UNC80: variants seen among roughly 807,000 people sequenced by gnomAD.
UNC80 encodes the protein protein unc-80 homolog.
A neutral mutation model predicts 384.6 loss-of-function variants in UNC80; 164 were observed. The observed-to-expected ratio is 0.43, with a 90% CI of 0.38 to 0.49. The LOEUF (loss-of-function observed/expected upper bound fraction) is 0.49, where lower values mean the gene tolerates loss of function less well. UNC80 is among the 20% of genes least tolerant of loss of function. The pLI, the probability that UNC80 is intolerant of heterozygous loss-of-function variation, is 0.00. For missense variants in UNC80, 3,330 were observed against 4,143.0 expected (o/e 0.80, Z 5.39); for synonymous variants, 1,486 against 1,527.8 (o/e 0.97, Z 0.64).
chr2:209,819,176 G>C lies in UNC80; in HGVS notation c.1877G>C (p.Cys626Ser), dbSNP rs1227503630. The C allele has an allele frequency of 3.9e-6, 6 of 1,552,104 alleles. No homozygotes were observed. Among genetic ancestry groups the C allele is most frequent in the Non-Finnish European group, 5.2e-6 (6 of 1,147,092 alleles). The part of the protein sequence containing the change: ...ANLPRSLTDS[C>S]INYSYLEDTE... ...CTACCTCGAAGCCTCACAGACTCCT[G>C]CATAAACTACAGCTACCTAGAGGAC... Residue 626 changes from cysteine to serine, a missense_variant, in exon 12 of 65, where the codon TGC (cysteine) becomes TCC (serine). Cys to Ser is a moderately radical substitution (Grantham distance 112, BLOSUM62 -1). Coordinates refer to ENST00000673920, the MANE Select transcript of UNC80 (RefSeq NM_001371986.1).
chr2:209,967,839 A>AG, intron 52 of UNC80: 3 of 509,258 alleles, frequency 5.9e-6, no homozygotes, highest in Non-Finnish European at 1.0e-5. Context: ...TTAAAAGTAT[A>AG]TGTGCTCATC....
chr2:209,940,496 C>G (rs1396350761), intron 43 of UNC80, among the ~76,000 whole-genome samples: 1 of 152,156 alleles, frequency 6.6e-6, no homozygotes, highest in African/African-American at 2.4e-5. Context: ...ATTAGCATCT[C>G]TATGTTTTAT....
At chr2:209,993,194 T>A in intron 62 of UNC80, 121 bp from the exon 63 acceptor site, 1 of 704,738 alleles carries the variant, frequency 1.4e-6, no homozygotes, top group East Asian at 2.9e-5. Flanking sequence ...CAGAAATAAA[T>A]TTATCAGCTA....
chr2:209,782,590 G>A (rs1286692458), intron 4 of UNC80, among the ~76,000 whole-genome samples: 7 of 151,784 alleles, frequency 4.6e-5, no homozygotes, highest in African/African-American at 1.7e-4. Context: ...ACCCGTGGTA[G>A]CTAACATAGT....
chr2:209,912,579 T>C lies in UNC80; in HGVS notation c.4802T>C (p.Leu1601Pro). ...TTTCAGTGCTCAGATAAGTCATGCC[T>C]GAGGACACCTTCTCTAAAGAAGAGA... ...KQKECSDKSC[L>P]RTPSLKKRVS... The change falls in exon 30 of 65, where the codon CTG (leucine) becomes CCG (proline). Residue 1601 changes from leucine to proline, a missense_variant. Coordinates refer to ENST00000673920, the MANE Select transcript of UNC80 (RefSeq NM_001371986.1). 8 of 1,551,384 alleles carry C rather than the reference T, an allele frequency of 5.2e-6. No individual in the cohort carries two copies. Among genetic ancestry groups the C allele is most frequent in the Non-Finnish European group, 6.1e-6 (7 of 1,146,704 alleles).
At position 209,904,908 on chromosome 2, in the gene UNC80, C is replaced by T; in HGVS notation, c.4725C>T (p.Ser1575=). 2.6e-6 allele frequency: 4 copies of T among 1,551,744 alleles called. No homozygotes were observed. Among genetic ancestry groups the T allele is most frequent in the Non-Finnish European group, 3.5e-6 (4 of 1,147,000 alleles). ...TACTCTATGGAGACAGTGTGGACTC[C>T]CTGAGGGAAAGCAGCAACATCAGCA... is the stretch of plus-strand genomic sequence containing the variant. ...IKLLYGDSVD[S]LRESSNISSV... The change falls in exon 29 of 65, where the codon TCC becomes TCT. Residue 1575 remains serine (S), a synonymous_variant. Transcript: ENST00000673920.
chr2:209,866,308 T>C (rs541282574), intron 22 of UNC80, among the ~76,000 whole-genome samples: 3 of 152,302 alleles, frequency 2.0e-5, no homozygotes, highest in African/African-American at 2.4e-5. Context: ...TTTTATCAGA[T>C]ATATTTTCCA....
Position 209,997,465 on chromosome 2 carries a change from G to A in UNC80, c.*1870G>A, listed in dbSNP as rs1426785965. ...TATTGGCGCGTCTCTATATATGTGT[G>A]TGCTTTGTTCCAGTTTCTTCAAATT... is the stretch of plus-strand genomic sequence containing the variant. On this transcript the variant is annotated 3_prime_UTR_variant, in exon 65 of 65. Coordinates refer to ENST00000673920, the MANE Select transcript of UNC80 (RefSeq NM_001371986.1). The A allele has an allele frequency of 6.6e-6, 1 of 152,142 alleles. No individual in the cohort carries two copies. Among genetic ancestry groups the A allele is most frequent in the Non-Finnish European group, 1.5e-5 (1 of 68,004 alleles). 9.4% of individuals were successfully genotyped at this position (152,142 alleles called of 1,614,324 possible).
At chr2:209,869,800 A>G (rs1432250260) in intron 22 of UNC80, among the ~76,000 whole-genome samples, 1 of 152,156 alleles carries the variant, frequency 6.6e-6, no homozygotes, top group Non-Finnish European at 1.5e-5. Context: ...ATTGATCTCA[A>G]TTGCATTTCC....
rs1357912310 is a variant in UNC80, at chr2:209,945,269, C to T, written c.7189+80C>T. 2.6e-5 allele frequency: 35 copies of T among 1,359,614 alleles called. No homozygotes were observed. In the South Asian group the frequency reaches 3.7e-4, roughly 15 times the overall value. 84.2% of individuals were successfully genotyped at this position (1,359,614 alleles called of 1,614,324 possible). A position where few individuals can be genotyped will look rare whatever the true frequency, so the allele number is the denominator to read the frequency against. ...AATATATGTATTATACACACATACACGTATATTTATATGTGTGTGTATATA... is the reference window on the plus strand; with the variant it reads ...AATATATGTATTATACACACATACATGTATATTTATATGTGTGTGTATATA... On this transcript the variant is annotated intron_variant, in intron 46 of 64. Transcript: ENST00000673920.
At position 209,976,817 on chromosome 2, in the gene UNC80, C is replaced by A; in HGVS notation, c.8773-96C>A. On this transcript the variant is annotated intron_variant, in intron 57 of 64. Transcript: ENST00000673920. The surrounding 1 kb of genome is among the most constrained non-coding windows in gnomAD (Gnocchi z 4.3). ...GTTCTAGGAACATCACATGCATTAC[C>A]TTATTTATTCCTCACAACAATGAAA... The A allele has an allele frequency of 1.5e-6, 2 of 1,336,660 alleles. No individual in the cohort carries two copies. Among genetic ancestry groups the A allele is most frequent in the South Asian group, 1.7e-5 (1 of 60,252 alleles). 82.8% of individuals were successfully genotyped at this position (1,336,660 alleles called of 1,614,324 possible).
Position 209,973,007 on chromosome 2 carries a change from C to G in UNC80, c.8381-57C>G, listed in dbSNP as rs868113562. 2.9e-5 allele frequency: 43 copies of G among 1,483,660 alleles called. 1 individual carries two copies. In the Middle Eastern group the frequency reaches 1.6e-3, roughly 56 times the overall value. 91.9% of individuals were successfully genotyped at this position (1,483,660 alleles called of 1,614,324 possible). On this transcript the variant is annotated intron_variant, in intron 55 of 64. Transcript: ENST00000673920. ...TGAGTTTTTCTGTATCTACTGTGGA[C>G]AGTCTACCTTGTGATGTTTTTCTTT...
intron 6 of UNC80, 125 bp from the exon 7 acceptor site, chr2:209,793,595 A>G (rs1221845921): frequency 1.7e-5 from 19 of 1,098,752 alleles, no homozygotes; most frequent in South Asian, 4.1e-5. Context: ...ATAATTAACT[A>G]TAGTGAAAAA....
intron 48 of UNC80, chr2:209,954,515 AAC>A (rs1246902376): frequency 6.6e-6 from 2 of 302,012 alleles, no homozygotes; most frequent in African/African-American, 4.3e-5. Flanking sequence ...ATCATTGCTA[AAC>A]ACACATTTGC....
chr2:209,908,785 A>T (rs2088573896), intron 29 of UNC80, among the ~76,000 whole-genome samples: 1 of 152,190 alleles, frequency 6.6e-6, no homozygotes, highest in South Asian at 2.1e-4. Context: ...TCTTAATTTC[A>T]TGGGCCAGGA....
intron 39 of UNC80, 106 bp downstream of exon 39, chr2:209,934,111 T>A: frequency 9.0e-7 from 1 of 1,112,128 alleles, no homozygotes; most frequent in South Asian, 1.8e-5. Flanking sequence ...TTCAGAGTTC[T>A]AACCCCCAGT....
At chr2:209,883,743 G>A (rs781506472) in intron 25 of UNC80, among the ~76,000 whole-genome samples, 3 of 151,994 alleles carry the variant, frequency 2.0e-5, no homozygotes, top group Non-Finnish European at 4.4e-5. Flanking sequence ...CCCACTCTTT[G>A]ATTCTATAAA....
intron 4 of UNC80, among the ~76,000 whole-genome samples, chr2:209,784,993 G>A (rs1348530658): frequency 6.6e-6 from 1 of 150,760 alleles, no homozygotes; most frequent in Non-Finnish European, 1.5e-5. Context: ...TTTTCCAGTT[G>A]CTTCTGAGTT....
chr2:209,907,430 C>T (rs1357957536), intron 29 of UNC80, among the ~76,000 whole-genome samples: 1 of 152,010 alleles, frequency 6.6e-6, no homozygotes, highest in African/African-American at 2.4e-5. Context: ...GAGAGCTACA[C>T]CGTGCTAAGA....
Sources: allele counts gnomAD v4.1 joint callset (sites outside exome capture counted in the v4.1 genomes callset), GRCh38; gene constraint gnomAD v4.1.1; non-coding constraint Gnocchi (gnomAD v3.1); transcripts MANE v1.5; gene names NCBI Gene and HGNC (gene_info 2026-07-23, HGNC 2026-07-21).